The following RARB variants were observed in gnomAD, a reference collection of about 807,000 sequenced individuals.
The protein encoded by RARB is retinoic acid receptor beta, also known as HBV-activated protein.
In RARB, 17 loss-of-function variants were observed where a neutral mutation model predicts 51.9. The observed-to-expected ratio is 0.33, with a 90% CI of 0.22 to 0.49. The LOEUF (loss-of-function observed/expected upper bound fraction) is 0.49. RARB is among the 20% of genes least tolerant of loss of function. The pLI is 0.99. For missense variants in RARB, 369 were observed against 550.8 expected (o/e 0.67, Z 3.30); for synonymous variants, 215 against 195.4 (o/e 1.10, Z -0.84).
chr3:25,464,150 T>C (rs1695320775), intron 2 of RARB, among the ~76,000 whole-genome samples: 1 of 152,208 alleles, frequency 6.6e-6, no homozygotes, highest in Non-Finnish European at 1.5e-5. Flanking sequence ...TTAAGTCATC[T>C]CATGTCCAGA....
chr3:25,028,687 A>G (rs767545404), intron 2 of RARB, among the ~76,000 whole-genome samples: 2 of 152,148 alleles, frequency 1.3e-5, no homozygotes, highest in Middle Eastern at 3.2e-3. Flanking sequence ...GTTTACCGGG[A>G]GAGCCATGTA....
intron 2 of RARB, among the ~76,000 whole-genome samples, chr3:25,049,576 A>G (rs1273847759): frequency 2.0e-5 from 3 of 152,268 alleles, no homozygotes; most frequent in Non-Finnish European, 4.4e-5. Flanking sequence ...TTACCTCTGT[A>G]GATGTATATG....
intron 3 of RARB, among the ~76,000 whole-genome samples, chr3:25,115,867 A>G (rs1699678757): frequency 1.3e-5 from 2 of 152,028 alleles, no homozygotes; most frequent in African/African-American, 2.4e-5. Flanking sequence ...CTGGCCTCAA[A>G]GAATCCTCCT....
chr3:25,129,505 C>A (rs1179103269), intron 3 of RARB, among the ~76,000 whole-genome samples: 1 of 151,968 alleles, frequency 6.6e-6, no homozygotes, highest in Non-Finnish European at 1.5e-5. Context: ...GATTCAATAG[C>A]CTCATTTAAA....
intron 3 of RARB, among the ~76,000 whole-genome samples, chr3:25,537,998 T>C (rs991600522): frequency 6.6e-6 from 1 of 152,194 alleles, no homozygotes; most frequent in African/African-American, 2.4e-5. Flanking sequence ...AGAAACAAAA[T>C]CCCTTGTGTG....
chr3:25,153,552 C>T (rs1700327011), intron 4 of RARB, among the ~76,000 whole-genome samples: 2 of 152,266 alleles, frequency 1.3e-5, no homozygotes, highest in East Asian at 1.9e-4. Flanking sequence ...TCTGTGTGCA[C>T]TGGGCCAATA....
intron 2 of RARB, among the ~76,000 whole-genome samples, chr3:24,891,434 C>G (rs1469148265): frequency 6.6e-6 from 1 of 152,104 alleles, no homozygotes; most frequent in Non-Finnish European, 1.5e-5. Context: ...AGAATCATAG[C>G]CCCCACTAGG....
chr3:24,949,819 G>C (rs1205039471), intron 2 of RARB, among the ~76,000 whole-genome samples: 3 of 152,150 alleles, frequency 2.0e-5, no homozygotes, highest in Admixed American at 2.0e-4. Flanking sequence ...ATGGTCACAA[G>C]ATGAATTTGA....
chr3:25,442,073 C>A (rs1297610049), intron 1 of RARB, among the ~76,000 whole-genome samples: 1 of 151,920 alleles, frequency 6.6e-6, no homozygotes, highest in Non-Finnish European at 1.5e-5. Flanking sequence ...ATTTGAAATG[C>A]GGTTAATACA....
intron 2 of RARB, among the ~76,000 whole-genome samples, chr3:24,955,118 G>A (rs976087574): frequency 3.3e-5 from 5 of 152,134 alleles, no homozygotes; most frequent in Admixed American, 6.6e-5. Flanking sequence ...TGATGAATGC[G>A]GAGGATTTTA....
chr3:25,511,744 A>G (rs947643397), intron 3 of RARB, among the ~76,000 whole-genome samples: 6 of 152,194 alleles, frequency 3.9e-5, no homozygotes, highest in Non-Finnish European at 5.9e-5. Context: ...TCCCACTGAC[A>G]TGCCCCTGCC....
At chr3:25,479,090 G>A (rs1201090990) in intron 2 of RARB, among the ~76,000 whole-genome samples, 1 of 152,034 alleles carries the variant, frequency 6.6e-6, no homozygotes, top group Non-Finnish European at 1.5e-5. Flanking sequence ...CTTGAAACAG[G>A]CATGAATTCT....
intron 2 of RARB, among the ~76,000 whole-genome samples, chr3:25,030,970 C>A (rs747191217): frequency 6.6e-6 from 1 of 152,146 alleles, no homozygotes; most frequent in Non-Finnish European, 1.5e-5. Context: ...GGCTGCTGCT[C>A]CTTCACCTTC....
At chr3:25,547,958 A>C (rs2125663634) in intron 3 of RARB, among the ~76,000 whole-genome samples, 1 of 152,334 alleles carries the variant, frequency 6.6e-6, no homozygotes, top group South Asian at 2.1e-4. Flanking sequence ...GTTGGAAGTA[A>C]GTAAAGAGAC....
At chr3:25,484,900 T>G (rs1406152896) in intron 2 of RARB, among the ~76,000 whole-genome samples, 1 of 152,178 alleles carries the variant, frequency 6.6e-6, no homozygotes, top group Non-Finnish European at 1.5e-5. Context: ...CAACTGGGTT[T>G]AAAACATGAC....
intron 5 of RARB, among the ~76,000 whole-genome samples, chr3:25,334,929 CAG>C (rs1705020433): frequency 6.6e-6 from 1 of 152,040 alleles, no homozygotes; most frequent in Non-Finnish European, 1.5e-5. Context: ...TTTTTCAGAT[CAG>C]TGTGAGTTGT....
chr3:25,257,911 C>T (rs1015598917), intron 5 of RARB, among the ~76,000 whole-genome samples: 4 of 152,126 alleles, frequency 2.6e-5, no homozygotes, highest in Admixed American at 2.0e-4. Flanking sequence ...CATGTGTCTA[C>T]TCATGAAGTT....
At chr3:25,528,989 A>C (rs879281077) in intron 3 of RARB, among the ~76,000 whole-genome samples, 1 of 151,990 alleles carries the variant, frequency 6.6e-6, no homozygotes, top group African/African-American at 2.4e-5. Flanking sequence ...AAATCAATAA[A>C]TAATAATCAA....
rs116421119 is a variant in RARB at position 25,055,288 on chromosome 3, G to A, written c.-379-4837G>A. ...AGGTATCCTATAGTTCATTGACAGC[G>A]GCAGATATTTTTGAATATGATTGCA... On this transcript the variant is annotated intron_variant, in intron 2 of 11. Coordinates refer to the RARB transcript ENST00000383772. 2.8e-3 allele frequency among the ~76,000 whole-genome samples: 424 copies of A among 152,180 alleles called. 3 individuals carry two copies. The highest frequency in any genetic ancestry group is 9.3e-3 in the African/African-American group (386 of 41,542).
Sources: gnomAD v4.1 joint callset for allele counts (sites outside exome capture counted in the v4.1 genomes callset) on GRCh38, gnomAD v4.1.1 for gene constraint, MANE v1.5 for transcripts, NCBI Gene and HGNC (gene_info 2026-07-23, HGNC 2026-07-21) for gene names.